The following UGT1A10 variants were observed in gnomAD, a reference collection of about 807,000 sequenced individuals.
UGT1A10 encodes UDP glucuronosyltransferase family 1 member A10.
In UGT1A10, 49 loss-of-function variants were observed where a neutral mutation model predicts 45.8. The ratio of observed to expected loss-of-function variants is 1.07; its 90% confidence interval spans 0.85 to 1.36. UGT1A10 has a LOEUF of 1.36. UGT1A10 is among the 40% of genes most tolerant of loss of function. The pLI is 0.00. For synonymous variants in UGT1A10, 284 were observed against 249.7 expected (o/e 1.14, Z -1.29); for missense variants, 745 against 668.6 (o/e 1.11, Z -1.26).
At chr2:233,642,453 C>T (rs2073476412) in intron 1 of UGT1A10, among the ~76,000 whole-genome samples, 1 of 152,190 alleles carries the variant, frequency 6.6e-6, no homozygotes, top group Admixed American at 6.5e-5. Flanking sequence ...GTTTCCTCAA[C>T]ACAGCTATTT....
At chr2:233,714,093 T>C (rs1575506008) in intron 1 of UGT1A10, among the ~76,000 whole-genome samples, 1 of 152,008 alleles carries the variant, frequency 6.6e-6, no homozygotes, top group East Asian at 1.9e-4. Context: ...TGTCAAAGGA[T>C]GGGCAAGAGT....
intron 1 of UGT1A10, among the ~76,000 whole-genome samples, chr2:233,680,428 A>G (rs2074486434): frequency 6.6e-6 from 1 of 152,198 alleles, no homozygotes. Flanking sequence ...GTAGTGTAGT[A>G]TGTACTAGAG....
At chr2:233,673,890 C>T (rs556955067) in intron 1 of UGT1A10, among the ~76,000 whole-genome samples, 7 of 152,234 alleles carry the variant, frequency 4.6e-5, no homozygotes, top group South Asian at 2.1e-4. Context: ...GATATTTATA[C>T]CACTTATTTT....
intron 1 of UGT1A10, among the ~76,000 whole-genome samples, chr2:233,762,246 C>T (rs569266202): frequency 2.4e-4 from 36 of 152,288 alleles, no homozygotes; most frequent in African/African-American, 8.2e-4. Flanking sequence ...ACAGAATAGG[C>T]ACCCACCGAA....
chr2:233,713,732 T>C, intron 1 of UGT1A10: 1 of 1,613,896 alleles, frequency 6.2e-7, no homozygotes, highest in South Asian at 1.1e-5. Flanking sequence ...CAGTGGTGGA[T>C]CTTGTCAGCC....
At chr2:233,694,502 C>T (rs28898577) in intron 1 of UGT1A10, among the ~76,000 whole-genome samples, 1,914 of 152,186 alleles carry the variant, frequency 0.013, 39 homozygotes, top group African/African-American at 0.043. Context: ...TTTACAGATG[C>T]CCTCCTGACA....
chr2:233,644,295 C>A (rs112205434), intron 1 of UGT1A10, among the ~76,000 whole-genome samples: 3 of 152,158 alleles, frequency 2.0e-5, no homozygotes, highest in African/African-American at 7.2e-5. Flanking sequence ...ATGCTGGGCA[C>A]GGTGGCTCAT....
In UGT1A10 at chr2:233,755,043, C is replaced by G. The variant is rs780933124; in HGVS notation, c.856-11991C>G. ...CTTGAAGGGCCTGCCGCCTGCGCAGCCGCCCTCCGCCCTCGCCTCGCCATA... is the reference window on the plus strand; with the variant it reads ...CTTGAAGGGCCTGCCGCCTGCGCAGGCGCCCTCCGCCCTCGCCTCGCCATA... On this transcript the variant is annotated intron_variant, in intron 1 of 4. Transcript: ENST00000344644. The G allele has an allele frequency of 9.8e-6, 13 of 1,323,836 alleles. No homozygotes were observed. In the South Asian group the frequency reaches 1.4e-4, roughly 14 times the overall value. The allele number at this position is 1,323,836 out of a possible 1,614,324, so 82.0% of individuals were successfully genotyped here. A position where few individuals can be genotyped will look rare whatever the true frequency, so the allele number is the denominator to read the frequency against.
At chr2:233,672,330 A>T (rs1202256185) in intron 1 of UGT1A10, 2 of 1,614,006 alleles carry the variant, frequency 1.2e-6, no homozygotes, top group Admixed American at 1.7e-5. Flanking sequence ...AAGACAAAAA[A>T]TTAGTAGAAT....
chr2:233,680,663 G>C (rs905492713), intron 1 of UGT1A10, among the ~76,000 whole-genome samples: 17 of 152,118 alleles, frequency 1.1e-4, no homozygotes, highest in Non-Finnish European at 1.9e-4. Flanking sequence ...GCAAGGCAAA[G>C]CATGGGTGCT....
intron 1 of UGT1A10, among the ~76,000 whole-genome samples, chr2:233,674,482 C>T (rs2074286369): frequency 6.6e-6 from 1 of 152,156 alleles, no homozygotes; most frequent in Non-Finnish European, 1.5e-5. Flanking sequence ...AAGGCCCTGC[C>T]ACTTCCTGAA....
intron 1 of UGT1A10, among the ~76,000 whole-genome samples, chr2:233,638,035 C>T (rs1002117684): frequency 2.0e-5 from 3 of 152,068 alleles, no homozygotes; most frequent in African/African-American, 7.2e-5. Context: ...CTCTTCAATA[C>T]TTTCCTTGCG....
Position 233,661,091 on chromosome 2 carries a change from A to G in UGT1A10, c.855+23714A>G, listed in dbSNP as rs558511461. 7.2e-5 allele frequency among the ~76,000 whole-genome samples: 11 copies of G among 152,102 alleles called. No homozygotes were observed. The East Asian group carries it at 2.1e-3, about 30-fold the overall frequency. ...TAAAAGCTGCATTTTTTATAATAAA[A>G]TTTTATGTAGATAATCATGATACAG... On this transcript the variant is annotated intron_variant, in intron 1 of 4. Coordinates refer to ENST00000344644, the MANE Select transcript of UGT1A10 (RefSeq NM_019075.4).
chr2:233,698,451 T>A (rs190964166), intron 1 of UGT1A10, among the ~76,000 whole-genome samples: 37 of 152,294 alleles, frequency 2.4e-4, no homozygotes, highest in Admixed American at 2.1e-3. Flanking sequence ...TCACAGATCA[T>A]AGAAAATGAA....
intron 1 of UGT1A10, among the ~76,000 whole-genome samples, chr2:233,688,534 TTACATCACA>T (rs2074899517): frequency 6.6e-6 from 1 of 152,192 alleles, no homozygotes; most frequent in Admixed American, 6.5e-5. Context: ...TGGGTTTGAC[TTACATCACA>T]TGGTCTCTAA....
intron 1 of UGT1A10, chr2:233,760,374 G>A: frequency 1.9e-6 from 3 of 1,614,168 alleles, no homozygotes; most frequent in Non-Finnish European, 2.5e-6. Context: ...ATGCTGGGAA[G>A]ATACTGTTGA....
At chr2:233,657,385 T>TG (rs1281082604) in intron 1 of UGT1A10, among the ~76,000 whole-genome samples, 1 of 152,200 alleles carries the variant, frequency 6.6e-6, no homozygotes, top group East Asian at 1.9e-4. Context: ...GCAAAAGACT[T>TG]GGGCTACTTC....
chr2:233,637,522 T>C lies in UGT1A10; in HGVS notation c.855+145T>C. 2.8e-6 allele frequency: 4 copies of C among 1,430,676 alleles called. No homozygotes were observed. The South Asian group carries it at 4.9e-5, about 17-fold the overall frequency. The allele number at this position is 1,430,676 out of a possible 1,614,324, so 88.6% of individuals were successfully genotyped here. A position where few individuals can be genotyped will look rare whatever the true frequency, so the allele number is the denominator to read the frequency against. ...TAACAAATTATTTTGTGCGAATTCATGTACTCATCAATTATCAAATTTTAT... is the reference window on the plus strand; with the variant it reads ...TAACAAATTATTTTGTGCGAATTCACGTACTCATCAATTATCAAATTTTAT... On this transcript the variant is annotated intron_variant, in intron 1 of 4. Coordinates refer to ENST00000344644, the MANE Select transcript of UGT1A10 (RefSeq NM_019075.4).
At chr2:233,724,172 A>G (rs2077183283) in intron 1 of UGT1A10, among the ~76,000 whole-genome samples, 1 of 105,510 alleles carries the variant, frequency 9.5e-6, no homozygotes. Flanking sequence ...TGACCCCCCC[A>G]TCTCCCTCCC....
Sources: gnomAD v4.1 joint callset for allele counts (sites outside exome capture counted in the v4.1 genomes callset) on GRCh38, gnomAD v4.1.1 for gene constraint, MANE v1.5 for transcripts, NCBI Gene and HGNC (gene_info 2026-07-23, HGNC 2026-07-21) for gene names.